The following EVC2 variants were observed in gnomAD, a reference collection of about 807,000 sequenced individuals.
EVC2 encodes EvC ciliary complex subunit 2, also known as limbin.
Under a neutral mutation model 149.3 loss-of-function variants are expected in EVC2, and 148 were observed. That is an observed-to-expected ratio of 0.99 (90% CI 0.87 to 1.14). The LOEUF (loss-of-function observed/expected upper bound fraction) is 1.14, where lower values mean the gene tolerates loss of function less well. EVC2 is among the 50% of genes most tolerant of loss of function. EVC2 has a pLI of 0.00. For synonymous variants in EVC2, 776 were observed against 649.9 expected (o/e 1.19, Z -2.95); for missense variants, 1,854 against 1,627.3 (o/e 1.14, Z -2.40).
At chr4:5,638,065 C>T (rs917301776) in intron 10 of EVC2, among the ~76,000 whole-genome samples, 2 of 152,010 alleles carry the variant, frequency 1.3e-5, no homozygotes, top group Non-Finnish European at 2.9e-5. Context: ...GTCGAAGCCT[C>T]CCTTATTGAG....
chr4:5,546,507 T>C (rs183789920), intron 21 of EVC2, among the ~76,000 whole-genome samples: 279 of 151,852 alleles, frequency 1.8e-3, no homozygotes, highest in African/African-American at 5.9e-3. Context: ...TAGGTGGGAA[T>C]TGAACAATGA....
chr4:5,689,060 G>A, intron 5 of EVC2, 97 bp downstream of exon 5: 1 of 1,348,636 alleles, frequency 7.4e-7, no homozygotes, highest in Non-Finnish European at 1.0e-6. Flanking sequence ...ACATGTGTAA[G>A]GCTTTAAGAA....
rs551567527 is a variant in EVC2, at chr4:5,625,395, G to C, written c.2046+354C>G. 1.3e-5 allele frequency among the ~76,000 whole-genome samples: 2 copies of C among 151,120 alleles called. No homozygotes were observed. Among genetic ancestry groups the C allele is most frequent in the Non-Finnish European group, 2.9e-5 (2 of 67,890 alleles). Reference sequence around the variant, plus strand: ...TAGGGTTAATATACAGATTAAACAAGATATCTTATATAACACACTTAGCAC... The same window carrying C: ...TAGGGTTAATATACAGATTAAACAACATATCTTATATAACACACTTAGCAC... On this transcript the variant is annotated intron_variant, in intron 13 of 21. Transcript: ENST00000344408. This position sits in a 1 kb window ranked among gnomAD's most constrained non-coding sequence, Gnocchi z 4.0.
chr4:5,690,244 C>T (rs1721023538), intron 4 of EVC2, among the ~76,000 whole-genome samples: 1 of 152,100 alleles, frequency 6.6e-6, no homozygotes, highest in Non-Finnish European at 1.5e-5. Flanking sequence ...TAGTTGAGGG[C>T]CTGTGATAAA....
chr4:5,654,195 CAG>C (rs1718347625), intron 9 of EVC2, among the ~76,000 whole-genome samples: 2 of 152,064 alleles, frequency 1.3e-5, no homozygotes, highest in Non-Finnish European at 2.9e-5. Context: ...GGCTGAGTGA[CAG>C]AGTGAGACTC....
In EVC2 at chr4:5,679,429, G is replaced by A. The variant is rs781113124; in HGVS notation, c.870+1831C>T. The stretch of plus-strand genomic sequence containing the variant: ...TTTTTTTGTATTTTTAGTAAAGACC[G>A]GTTTAGCCATGTTGGCCAGGCTGAT... On this transcript the variant is annotated intron_variant, in intron 7 of 21. Coordinates refer to ENST00000344408, the MANE Select transcript of EVC2 (RefSeq NM_147127.5). This position sits in a 1 kb window ranked among gnomAD's most constrained non-coding sequence, Gnocchi z 5.1. Among the ~76,000 whole-genome samples, 4 of 151,946 alleles carry A rather than the reference G, an allele frequency of 2.6e-5. No homozygotes were observed. The highest frequency in any genetic ancestry group is 9.7e-5 in the African/African-American group (4 of 41,360).
intron 9 of EVC2, among the ~76,000 whole-genome samples, chr4:5,643,471 T>C (rs1487399395): frequency 6.6e-6 from 1 of 152,248 alleles, no homozygotes; most frequent in Non-Finnish European, 1.5e-5. Flanking sequence ...TTCATTTCCT[T>C]ACGTGGGCTC....
At chr4:5,642,233 G>A (rs1717385580) in intron 9 of EVC2, among the ~76,000 whole-genome samples, 1 of 152,142 alleles carries the variant, frequency 6.6e-6, no homozygotes, top group African/African-American at 2.4e-5. Context: ...AAATAGTGCT[G>A]CACGTCTTTA....
At chr4:5,601,724 C>T (rs770944707) in intron 16 of EVC2, among the ~76,000 whole-genome samples, 9 of 152,138 alleles carry the variant, frequency 5.9e-5, no homozygotes, top group Non-Finnish European at 1.0e-4. Flanking sequence ...CCAAAATATT[C>T]AGTTTCCTAT....
At chr4:5,543,888 C>CCAGAA (rs1472628037) in intron 21 of EVC2, among the ~76,000 whole-genome samples, 3 of 152,158 alleles carry the variant, frequency 2.0e-5, no homozygotes, top group African/African-American at 7.2e-5. Flanking sequence ...GAAAGGGGTG[C>CCAGAA]AGGCCTCAGG....
chr4:5,666,992 G>A (rs564803793), intron 7 of EVC2, among the ~76,000 whole-genome samples: 12 of 152,146 alleles, frequency 7.9e-5, no homozygotes, highest in Non-Finnish European at 1.8e-4. Flanking sequence ...TGACAGAAGT[G>A]TGCCTGATGG....
chr4:5,612,938 A>G (rs1023034258), intron 16 of EVC2, among the ~76,000 whole-genome samples: 4 of 150,628 alleles, frequency 2.7e-5, no homozygotes, highest in East Asian at 1.9e-4. Context: ...AAAAAAAAAA[A>G]AAAAAAAAAA....
chr4:5,665,622 C>T lies in EVC2; in HGVS notation c.898G>A (p.Ala300Thr), dbSNP rs889273419. ...AGGAGGAAGGCAATGAAGAACCCTG[C>T]TGCGTGGAGGCCGTGGTGCGGCAGA... ...TVLPHHGLHA[A>T]GFFIAFLLSL... is the part of the protein sequence containing the mutation. The change falls in exon 8 of 22, where the codon GCA (alanine) becomes ACA (threonine). Residue 300 changes from alanine (A) to threonine (T), a missense_variant. Coordinates refer to ENST00000344408, the MANE Select transcript of EVC2 (RefSeq NM_147127.5). 1.9e-6 allele frequency: 3 copies of T among 1,614,218 alleles called. No homozygotes were observed. Among genetic ancestry groups the T allele is most frequent in the Non-Finnish European group, 2.5e-6 (3 of 1,180,038 alleles).
In EVC2 at chr4:5,615,320, T is replaced by TG. The variant is rs1170654018; in HGVS notation, c.2829+101dup. ...GAGTGAGCGGTTGGGTGGAGATGGA[T>TG]GGCACAGCCCCAAGGGCTCTGTGTG... On this transcript the variant is annotated intron_variant, in intron 16 of 21. Coordinates refer to ENST00000344408, the MANE Select transcript of EVC2 (RefSeq NM_147127.5). 3 of 1,575,924 alleles carry TG rather than the reference T, an allele frequency of 1.9e-6. No individual in the cohort carries two copies. The African/African-American group carries it at 4.0e-5, about 21-fold the overall frequency.
chr4:5,553,182 T>C (rs910823009), intron 21 of EVC2, among the ~76,000 whole-genome samples: 1 of 152,102 alleles, frequency 6.6e-6, no homozygotes, highest in African/African-American at 2.4e-5. Flanking sequence ...AACCAAATCA[T>C]GGCAGAAGGA....
intron 11 of EVC2, among the ~76,000 whole-genome samples, chr4:5,630,185 G>A (rs917464376): frequency 2.0e-4 from 30 of 152,184 alleles, no homozygotes; most frequent in African/African-American, 7.2e-4. Flanking sequence ...TCTCTGTCCT[G>A]GGTGCCTTCT....
Position 5,636,006 on chromosome 4 carries a change from C to T in EVC2, c.1471-3974G>A, listed in dbSNP as rs1716868584. Among the ~76,000 whole-genome samples the T allele has an allele frequency of 6.6e-6, 1 of 152,224 alleles. No homozygotes were observed. Among genetic ancestry groups the T allele is most frequent in the Non-Finnish European group, 1.5e-5 (1 of 68,042 alleles). ...TTAAAAATTACATTCAGTTATGAATCATAATAAACCCTTGTCCAAGGTTGA... is the reference window on the plus strand; with the variant it reads ...TTAAAAATTACATTCAGTTATGAATTATAATAAACCCTTGTCCAAGGTTGA... On this transcript the variant is annotated intron_variant, in intron 10 of 21. Transcript: ENST00000344408. The surrounding 1 kb of genome is among the most constrained non-coding windows in gnomAD (Gnocchi z 4.6).
At chr4:5,629,752 C>A (rs1716391142) in intron 11 of EVC2, among the ~76,000 whole-genome samples, 1 of 152,226 alleles carries the variant, frequency 6.6e-6, no homozygotes, top group Non-Finnish European at 1.5e-5. Context: ...TCCCTAAGGG[C>A]CACTGGCACC....
At chr4:5,553,692 T>C (rs1721781848) in intron 21 of EVC2, among the ~76,000 whole-genome samples, 1 of 152,198 alleles carries the variant, frequency 6.6e-6, no homozygotes, top group Admixed American at 6.5e-5. Flanking sequence ...TCACTTTAAA[T>C]GGGTGAACTC....
Sources: gnomAD v4.1 joint callset for allele counts (sites outside exome capture counted in the v4.1 genomes callset) on GRCh38, gnomAD v4.1.1 for gene constraint, Gnocchi (gnomAD v3.1) non-coding constraint, MANE v1.5 for transcripts, NCBI Gene and HGNC (gene_info 2026-07-23, HGNC 2026-07-21) for gene names.